Variants in PRH1 observed in about 807,000 individuals in gnomAD.
PRH1 encodes salivary acidic proline-rich phosphoprotein 1/2.
Under a neutral mutation model 7.9 loss-of-function variants are expected in PRH1, and 7 were observed. That is an observed-to-expected ratio of 0.89 (90% CI 0.50 to 1.67). PRH1 has a LOEUF of 1.67. Ranked by LOEUF, PRH1 falls within the 40% of genes most tolerant of loss-of-function variation. The pLI is 0.00. For missense variants in PRH1, 109 were observed against 223.6 expected (o/e 0.49, Z 3.27); for synonymous variants, 45 against 80.8 (o/e 0.56, Z 2.38).
At chr12:11,080,118 T>A (rs1247282977) in intron 1 of PRH1, among the ~76,000 whole-genome samples, 1 of 128,054 alleles carries the variant, frequency 7.8e-6, no homozygotes, top group African/African-American at 2.7e-5. Context: ...ATAAGCAACA[T>A]CCATAATTTA....
At chr12:10,980,914 T>TAA (rs1260522399) in intron 1 of PRH1, among the ~76,000 whole-genome samples, 1 of 152,206 alleles carries the variant, frequency 6.6e-6, no homozygotes, top group Non-Finnish European at 1.5e-5. Context: ...AATGTCAGAT[T>TAA]CAATGAAGTG....
chr12:11,145,037 C>T (rs2136404892), intron 1 of PRH1, among the ~76,000 whole-genome samples: 1 of 152,310 alleles, frequency 6.6e-6, no homozygotes, highest in South Asian at 2.1e-4. Flanking sequence ...GGATTTGTAG[C>T]TAAAATTCAC....
chr12:11,065,708 T>TA (rs1384687554), intron 1 of PRH1, among the ~76,000 whole-genome samples: 2 of 152,306 alleles, frequency 1.3e-5, no homozygotes, highest in African/African-American at 2.4e-5. Flanking sequence ...ACCAACTTCT[T>TA]AAAAAATAGT....
downstream of PRH1, chr12:11,120,819 T>A (rs1945877815): frequency 6.6e-6 from 1 of 152,572 alleles, no homozygotes; most frequent in Non-Finnish European, 1.5e-5. Context: ...TAGAATAGAT[T>A]GACAGTCATT....
At chr12:11,166,211 G>C (rs536967375) in intron 1 of PRH1, 14 of 152,250 alleles carry the variant, frequency 9.2e-5, no homozygotes, top group Non-Finnish European at 1.9e-4. Context: ...TCAATGTCTT[G>C]TATCAGTGGA....
intron 3 of PRH1, among the ~76,000 whole-genome samples, chr12:10,881,819 G>C (rs549897052): frequency 6.6e-6 from 1 of 152,120 alleles, no homozygotes; most frequent in East Asian, 1.9e-4. Context: ...AAAGTTCAAG[G>C]ACCACTTAGC....
intron 1 of PRH1, among the ~76,000 whole-genome samples, chr12:11,064,030 G>T (rs1377001510): frequency 6.6e-6 from 1 of 152,054 alleles, no homozygotes; most frequent in Non-Finnish European, 1.5e-5. Context: ...ATACCGCAGT[G>T]TATCATAAAC....
chr12:10,986,366 C>T lies in PRH1; in HGVS notation c.-125-12645G>A, dbSNP rs903600722. 3.2e-5 allele frequency: 51 copies of T among 1,613,894 alleles called. 1 individual carries two copies. Among genetic ancestry groups the T allele is most frequent in the Non-Finnish European group, 4.2e-5 (50 of 1,180,004 alleles). ...GATGTACTGTATTCCTCAATTTCATCTTCCCAGTCATGTTTCCTTCATATT... is the reference window on the plus strand; with the variant it reads ...GATGTACTGTATTCCTCAATTTCATTTTCCCAGTCATGTTTCCTTCATATT... On this transcript the variant is annotated intron_variant, in intron 1 of 3. Transcript: ENST00000539853.
intron 2 of PRH1, among the ~76,000 whole-genome samples, chr12:10,917,677 C>A (rs1949992019): frequency 6.6e-6 from 1 of 152,290 alleles, no homozygotes; most frequent in South Asian, 2.1e-4. Context: ...TTTATGTACA[C>A]ATTACAGTCC....
chr12:10,965,434 A>G, intron 2 of PRH1: 1 of 541,398 alleles, frequency 1.8e-6, no homozygotes, highest in East Asian at 5.6e-5. Context: ...CTTAAATTTT[A>G]TGTGGACCTG....
intron 1 of PRH1, among the ~76,000 whole-genome samples, chr12:11,000,070 T>C (rs940460321): frequency 1.3e-5 from 2 of 152,114 alleles, no homozygotes; most frequent in African/African-American, 4.8e-5. Flanking sequence ...ATTCCTATTA[T>C]GGGGTCATTA....
intron 1 of PRH1, among the ~76,000 whole-genome samples, chr12:11,011,844 C>T (rs973829718): frequency 7.9e-5 from 12 of 152,184 alleles, no homozygotes; most frequent in African/African-American, 2.9e-4. Context: ...AACTTATGTG[C>T]CCACACACAT....
chr12:11,001,650 G>A (rs991596721), intron 1 of PRH1, among the ~76,000 whole-genome samples: 5 of 152,098 alleles, frequency 3.3e-5, no homozygotes, highest in East Asian at 3.9e-4. Context: ...AGCACCTAGG[G>A]AAATTAAGCT....
At chr12:11,129,758 GAAT>G (rs1372438896) in intron 1 of PRH1, among the ~76,000 whole-genome samples, 1 of 146,820 alleles carries the variant, frequency 6.8e-6, no homozygotes, top group Non-Finnish European at 1.5e-5. Context: ...TGCCTTGTAA[GAAT>G]AATAGCACTG....
chr12:11,092,281 T>C, intron 1 of PRH1: 1 of 1,163,148 alleles, frequency 8.6e-7, no homozygotes. Flanking sequence ...TGTCCGGAAT[T>C]GGTTCCTGCA....
chr12:11,120,092 T>C (rs993292102), downstream of PRH1, among the ~76,000 whole-genome samples: 5 of 152,210 alleles, frequency 3.3e-5, no homozygotes, highest in African/African-American at 1.2e-4. Flanking sequence ...TCCAGTTTCC[T>C]CTTTGAAAGA....
intron 1 of PRH1, among the ~76,000 whole-genome samples, chr12:11,101,112 T>A (rs1945231124): frequency 6.6e-6 from 1 of 152,144 alleles, no homozygotes; most frequent in African/African-American, 2.4e-5. Context: ...GATATTCAAA[T>A]TTTGATGTTT....
At chr12:10,967,906 C>T (rs1170943174) in intron 2 of PRH1, among the ~76,000 whole-genome samples, 1 of 152,056 alleles carries the variant, frequency 6.6e-6, no homozygotes, top group Non-Finnish European at 1.5e-5. Flanking sequence ...TTTGTTTAGT[C>T]CTAAAATCCT....
At chr12:11,065,511 T>A (rs1943770417) in intron 1 of PRH1, among the ~76,000 whole-genome samples, 1 of 152,188 alleles carries the variant, frequency 6.6e-6, no homozygotes, top group Admixed American at 6.5e-5. Context: ...TCTTTATGCT[T>A]CATTCTGGGC....
Sources: gnomAD v4.1 joint callset for allele counts (sites outside exome capture counted in the v4.1 genomes callset) on GRCh38, gnomAD v4.1.1 for gene constraint, MANE v1.5 for transcripts, NCBI Gene and HGNC (gene_info 2026-07-23, HGNC 2026-07-21) for gene names.